The following TASP1 variants were observed in gnomAD, a reference collection of about 807,000 sequenced individuals.
The protein encoded by TASP1 is threonine aspartase 1.
TASP1 carries 16 observed loss-of-function variants against 56.6 expected under a neutral mutation model. The observed-to-expected ratio is 0.28, with a 90% CI of 0.19 to 0.43. The LOEUF is 0.43. Among genes scored for constraint, TASP1 ranks in the 20% least tolerant of loss-of-function variants. The pLI is 1.00. For missense variants in TASP1, 393 were observed against 511.6 expected (o/e 0.77, Z 2.24); for synonymous variants, 179 against 184.2 (o/e 0.97, Z 0.23).
chr20:13,241,638 T>G, the TASP1 span, among the ~76,000 whole-genome samples: 642 of 152,096 alleles, frequency 4.2e-3, 2 homozygotes, highest in African/African-American at 0.015. Context: ...AAATATGAAG[T>G]GAGGGCAGGA....
the TASP1 span, among the ~76,000 whole-genome samples, chr20:13,320,888 A>G: frequency 6.6e-6 from 1 of 152,148 alleles, no homozygotes; most frequent in Non-Finnish European, 1.5e-5. Flanking sequence ...AGTGAGTTGC[A>G]TGAGGTGATG....
Position 13,625,601 on chromosome 20 carries a change from C to T in TASP1, c.146-349G>A, listed in dbSNP as rs138867007. Among the ~76,000 whole-genome samples the T allele has an allele frequency of 3.3e-5, 5 of 152,290 alleles. No individual in the cohort carries two copies. The East Asian group carries it at 7.7e-4, about 24-fold the overall frequency. On this transcript the variant is annotated intron_variant, in intron 2 of 13. Transcript: ENST00000337743. Reference sequence around the variant, plus strand: ...GAAGGTGTCGGGGACAGGGTCCCTCCGGGTTCCTCTCTGCTGACTGTCAGA... The same window carrying T: ...GAAGGTGTCGGGGACAGGGTCCCTCTGGGTTCCTCTCTGCTGACTGTCAGA...
chr20:13,154,096 C>T, the TASP1 span: 3 of 1,613,984 alleles, frequency 1.9e-6, no homozygotes, highest in African/African-American at 1.3e-5. Flanking sequence ...AATGAGAATG[C>T]TTCTGTTGTT....
the TASP1 span, among the ~76,000 whole-genome samples, chr20:13,296,371 C>A: frequency 6.6e-6 from 1 of 152,060 alleles, no homozygotes; most frequent in Non-Finnish European, 1.5e-5. Context: ...ACTCAGATCC[C>A]CATCAATAAA....
the TASP1 span, chr20:13,299,586 ATT>A: frequency 1.1e-6 from 1 of 910,434 alleles, no homozygotes; most frequent in South Asian, 1.7e-5. This position sits in a 1 kb window ranked among gnomAD's most constrained non-coding sequence, Gnocchi z 5.8. Flanking sequence ...CCACATGAGT[ATT>A]TCTCATACAT....
Position 13,623,483 on chromosome 20 carries a change from G to C in TASP1, c.245C>G (p.Ala82Gly), listed in dbSNP as rs2048787280. 6 of 1,608,920 alleles carry C rather than the reference G, an allele frequency of 3.7e-6. No individual in the cohort carries two copies. Among genetic ancestry groups the C allele is most frequent in the Non-Finnish European group, 5.1e-6 (6 of 1,175,654 alleles). Residue 82 changes from alanine to glycine, a missense_variant, in exon 4 of 14, where the codon GCA becomes GGA. Transcript: ENST00000337743. Reference sequence around the variant, plus strand: ...CAGTGCTGCAGTGACTGCGTCAGTTGCAAGAGCACCGGCCTGCAGCTTTTC... The same window carrying C: ...CAGTGCTGCAGTGACTGCGTCAGTTCCAAGAGCACCGGCCTGCAGCTTTTC... ...AIEKLQAGAL[A>G]TDAVTAALVE...
intron 5 of TASP1, among the ~76,000 whole-genome samples, chr20:13,582,610 A>C (rs763760233): frequency 3.0e-4 from 45 of 152,204 alleles, no homozygotes; most frequent in Non-Finnish European, 5.0e-4. Flanking sequence ...AGTACAAAAT[A>C]AAGAAATGTC....
chr20:13,159,752 T>A, the TASP1 span, among the ~76,000 whole-genome samples: 1 of 152,168 alleles, frequency 6.6e-6, no homozygotes, highest in Non-Finnish European at 1.5e-5. Flanking sequence ...TCCACAATTA[T>A]CTAATGAGTG....
chr20:13,328,675 A>G, the TASP1 span, among the ~76,000 whole-genome samples: 1 of 152,158 alleles, frequency 6.6e-6, no homozygotes, highest in Admixed American at 6.5e-5. Context: ...TGGAGTGGGA[A>G]GCCATTATCC....
At chr20:13,137,293 T>G in the TASP1 span, among the ~76,000 whole-genome samples, 2 of 152,196 alleles carry the variant, frequency 1.3e-5, no homozygotes, top group African/African-American at 2.4e-5. Flanking sequence ...GTTGTTGCCT[T>G]GGCTGTAGAA....
chr20:13,276,688 C>G, the TASP1 span, among the ~76,000 whole-genome samples: 1 of 152,138 alleles, frequency 6.6e-6, no homozygotes, highest in African/African-American at 2.4e-5. Flanking sequence ...TGTGCTCACT[C>G]CACACCTACA....
chr20:13,472,710 T>A (rs1453397159), intron 11 of TASP1, among the ~76,000 whole-genome samples: 1 of 151,220 alleles, frequency 6.6e-6, no homozygotes, highest in East Asian at 1.9e-4. Context: ...AAGACGTTTA[T>A]GCAGCCAGCA....
the TASP1 span, among the ~76,000 whole-genome samples, chr20:13,188,071 G>A: frequency 1.3e-5 from 2 of 152,194 alleles, no homozygotes; most frequent in Admixed American, 6.5e-5. Flanking sequence ...CTTTTGCCAC[G>A]TGAAGATGTA....
At chr20:13,557,578 T>G (rs1397984900) in intron 8 of TASP1, among the ~76,000 whole-genome samples, 12 of 138,576 alleles carry the variant, frequency 8.7e-5, no homozygotes, top group African/African-American at 2.5e-4. Context: ...TTTGGTTTTT[T>G]TTTTTTTTTT....
the TASP1 span, among the ~76,000 whole-genome samples, chr20:13,275,552 C>G: frequency 2.0e-5 from 3 of 152,170 alleles, no homozygotes; most frequent in Non-Finnish European, 4.4e-5. Flanking sequence ...CAGACTTGAC[C>G]TCCGTAGCCC....
At chr20:13,556,869 T>C (rs1211180669) in intron 8 of TASP1, among the ~76,000 whole-genome samples, 1 of 152,250 alleles carries the variant, frequency 6.6e-6, no homozygotes, top group Non-Finnish European at 1.5e-5. Flanking sequence ...AGTTACTCTA[T>C]ATCACATCAT....
chr20:13,172,314 A>G, the TASP1 span, among the ~76,000 whole-genome samples: 1 of 152,158 alleles, frequency 6.6e-6, no homozygotes, highest in Non-Finnish European at 1.5e-5. Context: ...TTTTCACCTA[A>G]AAAGGTAAAA....
At chr20:13,430,248 C>T (rs545922645) in intron 12 of TASP1, among the ~76,000 whole-genome samples, 3 of 152,172 alleles carry the variant, frequency 2.0e-5, no homozygotes, top group Admixed American at 6.5e-5. Flanking sequence ...TCTACTGCTA[C>T]GTAATAAATT....
At chr20:13,326,000 G>A in the TASP1 span, among the ~76,000 whole-genome samples, 2 of 152,096 alleles carry the variant, frequency 1.3e-5, no homozygotes, top group African/African-American at 4.8e-5. Context: ...CCAACTCCGG[G>A]TAACCACTGA....
Sources: allele counts gnomAD v4.1 joint callset (sites outside exome capture counted in the v4.1 genomes callset), GRCh38; gene constraint gnomAD v4.1.1; non-coding constraint Gnocchi (gnomAD v3.1); transcripts MANE v1.5; gene names NCBI Gene and HGNC (gene_info 2026-07-23, HGNC 2026-07-21).